SMIM10L3: variants seen among roughly 807,000 people sequenced by gnomAD.
SMIM10L3 encodes small integral membrane protein 10 like 3.
chr7:6,339,967 C>T, the SMIM10L3 span, among the ~76,000 whole-genome samples: 1 of 152,048 alleles, frequency 6.6e-6, no homozygotes, highest in African/African-American at 2.4e-5. Flanking sequence ...TCACTGCAAC[C>T]TCCACCTCCT....
chr7:6,331,327 A>G, the SMIM10L3 span: 1 of 664,510 alleles, frequency 1.5e-6, no homozygotes, highest in Non-Finnish European at 2.6e-6. Flanking sequence ...ACAAACACTG[A>G]GATCTTTATG....
the SMIM10L3 span, among the ~76,000 whole-genome samples, chr7:6,344,425 C>T: frequency 1.3e-5 from 2 of 152,104 alleles, no homozygotes; most frequent in East Asian, 1.9e-4. Context: ...AATCTTCACA[C>T]TTGTGTCTTT....
chr7:6,330,543 C>A, the SMIM10L3 span: 1 of 1,614,154 alleles, frequency 6.2e-7, no homozygotes, highest in Non-Finnish European at 8.5e-7. Flanking sequence ...TCTCCTCACT[C>A]AGGAGCACTT....
chr7:6,347,060 G>T, the SMIM10L3 span, among the ~76,000 whole-genome samples: 18 of 152,260 alleles, frequency 1.2e-4, no homozygotes, highest in Middle Eastern at 3.4e-3. Context: ...GGCTCACTGG[G>T]TTCTGACTGT....
chr7:6,347,751 G>A, the SMIM10L3 span, among the ~76,000 whole-genome samples: 4 of 151,816 alleles, frequency 2.6e-5, no homozygotes, highest in Non-Finnish European at 1.5e-5. Flanking sequence ...TTAGCTTCAA[G>A]GATAACATAA....
the SMIM10L3 span, chr7:6,348,616 T>G: frequency 1.0e-5 from 5 of 491,264 alleles, no homozygotes; most frequent in African/African-American, 4.0e-5. Flanking sequence ...GATGTAGAGG[T>G]AGGGGAAGTT....
At chr7:6,335,908 C>T in the SMIM10L3 span, among the ~76,000 whole-genome samples, 1 of 151,890 alleles carries the variant, frequency 6.6e-6, no homozygotes, top group Admixed American at 6.6e-5. Context: ...AGCAGTGGCT[C>T]ACACCTGTAA....
At chr7:6,345,269 C>T in the SMIM10L3 span, among the ~76,000 whole-genome samples, 1 of 151,922 alleles carries the variant, frequency 6.6e-6, no homozygotes, top group African/African-American at 2.4e-5. Context: ...AGGCACGCAC[C>T]ACGACACCCG....
chr7:6,332,956 C>T, the SMIM10L3 span, among the ~76,000 whole-genome samples: 25 of 152,016 alleles, frequency 1.6e-4, no homozygotes, highest in East Asian at 2.7e-3. Context: ...GTCAGGAGTT[C>T]GAGACAAGCA....
the SMIM10L3 span, chr7:6,330,380 T>C: frequency 6.2e-7 from 1 of 1,609,970 alleles, no homozygotes; most frequent in East Asian, 2.2e-5. Context: ...GTACCTTAAC[T>C]ATGGCATAAT....
the SMIM10L3 span, among the ~76,000 whole-genome samples, chr7:6,340,390 C>T: frequency 6.6e-6 from 1 of 152,148 alleles, no homozygotes; most frequent in African/African-American, 2.4e-5. Flanking sequence ...GGAGAAGCGA[C>T]CACTGCATGT....
At chr7:6,330,870 G>A in the SMIM10L3 span, 11 of 1,614,204 alleles carry the variant, frequency 6.8e-6, no homozygotes, top group Non-Finnish European at 9.3e-6. Flanking sequence ...TGGCTGCTGA[G>A]GCTGGATTTC....
the SMIM10L3 span, among the ~76,000 whole-genome samples, chr7:6,344,585 A>C: frequency 6.6e-6 from 1 of 151,582 alleles, no homozygotes; most frequent in African/African-American, 2.4e-5. Context: ...CGCCCAGCTA[A>C]TTTTTGTATT....
the SMIM10L3 span, among the ~76,000 whole-genome samples, chr7:6,338,916 G>A: frequency 4.6e-5 from 7 of 152,156 alleles, no homozygotes; most frequent in Non-Finnish European, 8.8e-5. Flanking sequence ...ACTGCCGCAC[G>A]CAAGGAGAGC....
At chr7:6,330,186 C>G in the SMIM10L3 span, 6 of 615,232 alleles carry the variant, frequency 9.8e-6, no homozygotes, top group South Asian at 1.3e-4. Context: ...CAATTTAACA[C>G]ATGCCAAAAA....
At chr7:6,345,767 GTTA>G in the SMIM10L3 span, among the ~76,000 whole-genome samples, 3 of 151,784 alleles carry the variant, frequency 2.0e-5, no homozygotes, top group South Asian at 2.1e-4. Flanking sequence ...TTTGGTGGTG[GTTA>G]TTATTATTAT....
the SMIM10L3 span, among the ~76,000 whole-genome samples, chr7:6,343,756 C>T: frequency 6.6e-6 from 1 of 151,996 alleles, no homozygotes; most frequent in Non-Finnish European, 1.5e-5. Flanking sequence ...AGGTATTAAC[C>T]TCCTTAAAAT....
At chr7:6,330,857 G>C in the SMIM10L3 span, 2 of 1,614,194 alleles carry the variant, frequency 1.2e-6, no homozygotes, top group African/African-American at 2.7e-5. Context: ...GCTGTGCTCG[G>C]AGTGGCTGCT....
chr7:6,334,957 G>A, the SMIM10L3 span, among the ~76,000 whole-genome samples: 5 of 150,742 alleles, frequency 3.3e-5, no homozygotes, highest in Admixed American at 6.6e-5. Flanking sequence ...TAATAGAGAC[G>A]GGTTTCTTCA....
Sources: allele counts gnomAD v4.1 joint callset (sites outside exome capture counted in the v4.1 genomes callset), GRCh38; gene constraint gnomAD v4.1.1; transcripts MANE v1.5; gene names NCBI Gene and HGNC (gene_info 2026-07-23, HGNC 2026-07-21).